The following CADPS variants were observed in gnomAD, a reference collection of about 807,000 sequenced individuals.
CADPS encodes calcium dependent secretion activator.
Under a neutral mutation model 167.3 loss-of-function variants are expected in CADPS, and 57 were observed. The observed-to-expected ratio is 0.34, with a 90% CI of 0.28 to 0.42. The LOEUF (loss-of-function observed/expected upper bound fraction) is 0.42, where lower values mean the gene tolerates loss of function less well. Ranked by LOEUF, CADPS falls within the 20% of genes least tolerant of loss-of-function variation. The pLI, the probability that CADPS is intolerant of heterozygous loss-of-function variation, is 1.00. For missense variants in CADPS, 1,414 were observed against 1,738.1 expected, an observed-to-expected ratio of 0.81 and a Z score of 3.32; for synonymous variants, 676 against 635.3, an observed-to-expected ratio of 1.06 and a Z score of -0.96.
intron 28 of CADPS, among the ~76,000 whole-genome samples, chr3:62,406,590 A>T (rs1412180367): frequency 6.6e-6 from 1 of 152,192 alleles, no homozygotes; most frequent in African/African-American, 2.4e-5. Flanking sequence ...TTTAAGTATA[A>T]TTTCTACTCC....
intron 3 of CADPS, among the ~76,000 whole-genome samples, chr3:62,677,317 C>T (rs766621079): frequency 2.0e-5 from 3 of 152,008 alleles, no homozygotes; most frequent in Non-Finnish European, 4.4e-5. Context: ...AGCAAAAAAA[C>T]CAAAAAACCA....
intron 6 of CADPS, among the ~76,000 whole-genome samples, chr3:62,634,186 T>A (rs2065826449): frequency 6.6e-6 from 1 of 152,210 alleles, no homozygotes; most frequent in African/African-American, 2.4e-5. Context: ...CTAGAGAAAT[T>A]ACCGTTATGA....
intron 22 of CADPS, among the ~76,000 whole-genome samples, chr3:62,481,061 T>C (rs2061949702): frequency 6.6e-6 from 1 of 152,230 alleles, no homozygotes; most frequent in South Asian, 2.1e-4. Context: ...TTATTTATTG[T>C]TTGAATCTTG....
At chr3:62,651,870 G>A (rs2070239363) in intron 4 of CADPS, among the ~76,000 whole-genome samples, 1 of 151,262 alleles carries the variant, frequency 6.6e-6, no homozygotes, top group African/African-American at 2.4e-5. Context: ...CTGATGGAGT[G>A]AGAAGCAAGC....
chr3:62,755,563 T>C (rs887657859), intron 2 of CADPS, among the ~76,000 whole-genome samples: 6 of 152,176 alleles, frequency 3.9e-5, no homozygotes, highest in Admixed American at 1.3e-4. Context: ...GGGCATCTCA[T>C]TGCCTCATGC....
At chr3:62,697,011 G>C (rs1297561018) in intron 3 of CADPS, among the ~76,000 whole-genome samples, 3 of 152,070 alleles carry the variant, frequency 2.0e-5, no homozygotes, top group Non-Finnish European at 4.4e-5. Context: ...ATGTAGCAAG[G>C]CAGTCAAATA....
chr3:62,421,140 G>C lies in CADPS; in HGVS notation c.3777+16964C>G, dbSNP rs1017005228. On this transcript the variant is annotated intron_variant, in intron 28 of 29. Coordinates refer to ENST00000383710, the MANE Select transcript of CADPS (RefSeq NM_003716.4). The surrounding 1 kb of genome is among the most constrained non-coding windows in gnomAD (Gnocchi z 4.7). ...GATGGGTCTAGGGCCTGAGCACAGA[G>C]AGTTAAATCATAAATTAGCCATGAG... is the stretch of plus-strand genomic sequence containing the variant. Among the ~76,000 whole-genome samples, 5 of 152,118 alleles carry C rather than the reference G, an allele frequency of 3.3e-5. No individual in the cohort carries two copies. Among genetic ancestry groups the C allele is most frequent in the Non-Finnish European group, 5.9e-5 (4 of 68,028 alleles).
chr3:62,410,685 A>G (rs1166950681), intron 28 of CADPS, among the ~76,000 whole-genome samples: 2 of 152,232 alleles, frequency 1.3e-5, no homozygotes, highest in African/African-American at 2.4e-5. Flanking sequence ...CTGAGTGCTT[A>G]TAACAGTGCC....
At chr3:62,670,843 C>T (rs1044314612) in intron 3 of CADPS, among the ~76,000 whole-genome samples, 2 of 152,154 alleles carry the variant, frequency 1.3e-5, no homozygotes, top group African/African-American at 4.8e-5. Flanking sequence ...GGCTTCAGGC[C>T]TTTCTTCAAG....
At chr3:62,724,029 T>C (rs1479697402) in intron 3 of CADPS, among the ~76,000 whole-genome samples, 1 of 152,238 alleles carries the variant, frequency 6.6e-6, no homozygotes, top group Non-Finnish European at 1.5e-5. Flanking sequence ...GGCTTGCTGG[T>C]GCAGTGAGAT....
intron 1 of CADPS, among the ~76,000 whole-genome samples, chr3:62,832,374 G>A (rs1436086394): frequency 6.6e-6 from 1 of 152,196 alleles, no homozygotes; most frequent in Non-Finnish European, 1.5e-5. Flanking sequence ...AGCTTAAAGG[G>A]CTTGCCCCAA....
chr3:62,549,862 A>C (rs1047564072), intron 11 of CADPS, 41 bp downstream of exon 11: 1 of 1,489,684 alleles, frequency 6.7e-7, no homozygotes, highest in Non-Finnish European at 9.3e-7. Context: ...GGTTTACTTT[A>C]CTCTACAGAG....
intron 2 of CADPS, among the ~76,000 whole-genome samples, chr3:62,763,114 G>T (rs1392543610): frequency 6.6e-6 from 1 of 152,162 alleles, no homozygotes; most frequent in Non-Finnish European, 1.5e-5. Context: ...AGCTGAGCCT[G>T]TACTCAGGTG....
At chr3:62,597,681 T>C (rs928184914) in intron 6 of CADPS, among the ~76,000 whole-genome samples, 2 of 152,118 alleles carry the variant, frequency 1.3e-5, no homozygotes, top group African/African-American at 4.8e-5. Flanking sequence ...CGAGAACCCA[T>C]CAGCTGGACG....
intron 17 of CADPS, among the ~76,000 whole-genome samples, chr3:62,505,838 A>T (rs2066582579): frequency 1.3e-5 from 2 of 152,134 alleles, no homozygotes; most frequent in East Asian, 3.9e-4. Flanking sequence ...TAGGGCTTAG[A>T]GCAGTGCTGG....
chr3:62,808,020 C>T (rs1415219704), intron 1 of CADPS, among the ~76,000 whole-genome samples: 2 of 151,848 alleles, frequency 1.3e-5, no homozygotes, highest in East Asian at 1.9e-4. Flanking sequence ...ACTACGGGCG[C>T]ACATCACCAC....
intron 4 of CADPS, among the ~76,000 whole-genome samples, chr3:62,651,505 G>T (rs1371054870): frequency 3.9e-5 from 6 of 152,140 alleles, no homozygotes; most frequent in Non-Finnish European, 7.4e-5. Context: ...TATCTACAGA[G>T]ATTTTCTCAC....
In CADPS at chr3:62,874,828, C is replaced by A. The variant is rs556260817; in HGVS notation, c.202G>T (p.Gly68Cys). ...GVGAGGGGGS[G>C]ASSGGGAGGL... is the part of the protein sequence containing the mutation. ...CCGGCCCCGCCGCCGCTGCTCGCGC[C>A]GCTGCCCCCGCCGCCGCCTGCACCC... The change falls in exon 1 of 30, where the codon GGC becomes TGC. Residue 68 changes from glycine to cysteine, a missense_variant. By Grantham distance (159) the Gly-to-Cys change is radical. Transcript: ENST00000383710. The surrounding 1 kb of genome is among the most constrained non-coding windows in gnomAD (Gnocchi z 7.1). 4 of 1,037,226 alleles carry A rather than the reference C, an allele frequency of 3.9e-6. No homozygotes were observed. Among genetic ancestry groups the A allele is most frequent in the Middle Eastern group, 4.2e-4 (1 of 2,362 alleles). The allele number at this position is 1,037,226 out of a possible 1,614,324, so 64.3% of individuals were successfully genotyped here. A position where few individuals can be genotyped will look rare whatever the true frequency, so the allele number is the denominator to read the frequency against.
At chr3:62,789,103 C>T (rs1346221819) in intron 1 of CADPS, among the ~76,000 whole-genome samples, 1 of 152,154 alleles carries the variant, frequency 6.6e-6, no homozygotes, top group African/African-American at 2.4e-5. Context: ...AAGCACTGAG[C>T]AGAACTGTGG....
Sources: allele counts gnomAD v4.1 joint callset (sites outside exome capture counted in the v4.1 genomes callset), GRCh38; gene constraint gnomAD v4.1.1; non-coding constraint Gnocchi (gnomAD v3.1); transcripts MANE v1.5; gene names NCBI Gene and HGNC (gene_info 2026-07-23, HGNC 2026-07-21).